VAX2: variants seen among roughly 807,000 people sequenced by gnomAD.
The protein encoded by VAX2 is ventral anterior homeobox 2.
A neutral mutation model predicts 12.5 loss-of-function variants in VAX2; 8 were observed. The ratio of observed to expected loss-of-function variants is 0.64; its 90% CI spans 0.37 to 1.15. The LOEUF is 1.15. VAX2 is among the 50% of genes most tolerant of loss of function. The pLI, the probability that VAX2 is intolerant of heterozygous loss-of-function variation, is 0.01. For missense variants in VAX2, 476 were observed against 412.9 expected (o/e 1.15, Z -1.32); for synonymous variants, 183 against 187.6 (o/e 0.98, Z 0.20).
chr2:70,922,090 G>A (rs543901734), intron 2 of VAX2, among the ~76,000 whole-genome samples: 4 of 152,262 alleles, frequency 2.6e-5, no homozygotes, highest in East Asian at 3.9e-4. Context: ...AATTAGTTCC[G>A]GAGCTGGGCT....
At chr2:70,922,258 G>A (rs545219513) in intron 2 of VAX2, among the ~76,000 whole-genome samples, 7 of 152,282 alleles carry the variant, frequency 4.6e-5, no homozygotes, top group Admixed American at 6.5e-5. Flanking sequence ...TGTAAACGAC[G>A]GCCAAAACAG....
At chr2:70,912,049 G>C (rs1553411298) in intron 1 of VAX2, among the ~76,000 whole-genome samples, 1 of 152,092 alleles carries the variant, frequency 6.6e-6, no homozygotes, top group Non-Finnish European at 1.5e-5. Context: ...TTGTTCAAAA[G>C]CTATGTCTCT....
intron 2 of VAX2, among the ~76,000 whole-genome samples, chr2:70,926,131 C>T (rs776874960): frequency 3.9e-5 from 6 of 152,066 alleles, no homozygotes; most frequent in African/African-American, 1.4e-4. Context: ...AACCCACTTA[C>T]AGGATTGGGC....
rs781890843 is a variant in VAX2 at position 70,932,876 on chromosome 2, T to C, written c.545T>C (p.Ile182Thr). The change falls in exon 3 of 3, where the codon ATT (isoleucine) becomes ACT (threonine). Residue 182 changes from isoleucine to threonine, a missense_variant. By Grantham distance (89) the Ile-to-Thr change is moderately conservative. Coordinates refer to ENST00000234392, the MANE Select transcript of VAX2 (RefSeq NM_012476.3). Reference sequence around the variant, plus strand: ...TCCGAGGCCTTTGCCACCTCCAACATTCTGCGGCTGCTGGAGCAGGGCCGG... The same window carrying C: ...TCCGAGGCCTTTGCCACCTCCAACACTCTGCGGCTGCTGGAGCAGGGCCGG... ...SASEAFATSN[I>T]LRLLEQGRLL... is the part of the protein sequence containing the mutation. 137 of 1,613,466 alleles carry C rather than the reference T, an allele frequency of 8.5e-5. 1 individual carries two copies. The Middle Eastern group carries it at 1.5e-3, about 17-fold the overall frequency.
intron 1 of VAX2, 39 bp downstream of exon 1, chr2:70,900,907 C>A: frequency 7.7e-7 from 1 of 1,302,434 alleles, no homozygotes; most frequent in Non-Finnish European, 9.8e-7. Context: ...ACTGGACCCT[C>A]ACCCTACCCA....
intron 2 of VAX2, among the ~76,000 whole-genome samples, chr2:70,930,594 A>G (rs3755339): frequency 0.75 from 114,826 of 152,106 alleles, 43,478 homozygotes; most frequent in East Asian, 0.87. Context: ...GAGGAGGGGA[A>G]GCACCAAGGC....
chr2:70,921,076 G>A (rs781846593), intron 1 of VAX2, 22 bp from the exon 2 acceptor site: 3 of 1,546,402 alleles, frequency 1.9e-6, no homozygotes, highest in Admixed American at 2.0e-5. Context: ...AACTAAGCTG[G>A]CTCCTTTCAT....
At chr2:70,929,968 GA>G (rs1193087030) in intron 2 of VAX2, among the ~76,000 whole-genome samples, 1 of 152,200 alleles carries the variant, frequency 6.6e-6, no homozygotes, top group African/African-American at 2.4e-5. Context: ...TATATCTGGT[GA>G]GTGAATGAAT....
intron 2 of VAX2, among the ~76,000 whole-genome samples, chr2:70,926,655 A>T (rs1679579569): frequency 6.6e-6 from 1 of 152,022 alleles, no homozygotes; most frequent in Admixed American, 6.6e-5. Flanking sequence ...AGACCCCACA[A>T]CCTATATATT....
intron 2 of VAX2, among the ~76,000 whole-genome samples, chr2:70,929,738 G>T (rs1455338141): frequency 4.6e-5 from 7 of 151,122 alleles, no homozygotes; most frequent in African/African-American, 1.5e-4. Context: ...CATTTTAATT[G>T]TATTTTTTAA....
intron 1 of VAX2, among the ~76,000 whole-genome samples, chr2:70,902,397 G>A (rs1678954637): frequency 6.6e-6 from 1 of 152,192 alleles, no homozygotes; most frequent in South Asian, 2.1e-4. Context: ...TTGGGCACCA[G>A]GGATTAAATC....
In VAX2 at chr2:70,900,672, G is replaced by T; in HGVS notation, c.51G>T (p.Glu17Asp). 7.8e-7 allele frequency: 1 copy of T among 1,289,504 alleles called. No homozygotes were observed. The highest frequency in any genetic ancestry group is 9.8e-7 in the Non-Finnish European group (1 of 1,017,902). 79.9% of individuals were successfully genotyped at this position (1,289,504 alleles called of 1,614,324 possible). Residue 17 changes from glutamate (E) to aspartate (D), a missense_variant, in exon 1 of 3, where the codon GAG becomes GAT. Transcript: ENST00000234392. ...ERDRGPARRA[E>D]SGGGGGRCGD... is the part of the protein sequence containing the mutation. ...ACCGGGGCCCCGCGCGCCGGGCGGA[G>T]TCTGGTGGCGGCGGTGGGCGCTGCG...
intron 1 of VAX2, among the ~76,000 whole-genome samples, chr2:70,909,373 A>AT (rs1281138949): frequency 7.9e-5 from 12 of 151,294 alleles, no homozygotes; most frequent in Non-Finnish European, 1.2e-4. Flanking sequence ...TTTATTTTTA[A>AT]TTTTTTTTAG....
At chr2:70,927,933 C>A (rs544237206) in intron 2 of VAX2, among the ~76,000 whole-genome samples, 102 of 152,286 alleles carry the variant, frequency 6.7e-4, no homozygotes, top group Non-Finnish European at 1.0e-3. Context: ...GTGCACTGGG[C>A]AGGTGAGGGG....
rs1679750279 is a variant in VAX2, at chr2:70,933,310, A to G, written c.*106A>G. On this transcript the variant is annotated 3_prime_UTR_variant, in exon 3 of 3. Transcript: ENST00000234392. Reference sequence around the variant, plus strand: ...CCCGGAGAGGAGGGGCTGCAGCCACACACTCTTCCCCACCTGCCCCCCAGC... The same window carrying G: ...CCCGGAGAGGAGGGGCTGCAGCCACGCACTCTTCCCCACCTGCCCCCCAGC... The G allele has an allele frequency of 1.0e-5, 12 of 1,148,960 alleles. No individual in the cohort carries two copies. Among genetic ancestry groups the G allele is most frequent in the Non-Finnish European group, 1.4e-5 (12 of 875,756 alleles). 71.2% of individuals were successfully genotyped at this position (1,148,960 alleles called of 1,614,324 possible). A position where few individuals can be genotyped will look rare whatever the true frequency, so the allele number is the denominator to read the frequency against.
rs555303050 is a variant in VAX2 at position 70,900,935 on chromosome 2, T to G, written c.247+67T>G. 1.2e-4 allele frequency: 147 copies of G among 1,262,764 alleles called. No individual in the cohort carries two copies. The African/African-American group carries it at 2.1e-3, about 18-fold the overall frequency. 78.2% of individuals were successfully genotyped at this position (1,262,764 alleles called of 1,614,324 possible). A position where few individuals can be genotyped will look rare whatever the true frequency, so the allele number is the denominator to read the frequency against. ...CCTACCCATACTGGGGCCCCCGACC[T>G]AGCTGCAGCTGACACCTCTCAATTC... On this transcript the variant is annotated intron_variant, in intron 1 of 2. Transcript: ENST00000234392.
chr2:70,930,544 A>T (rs1371143842), intron 2 of VAX2, among the ~76,000 whole-genome samples: 1 of 152,190 alleles, frequency 6.6e-6, no homozygotes, highest in Admixed American at 6.5e-5. Context: ...GGCTTCAAGG[A>T]GGCAGAGATC....
intron 2 of VAX2, among the ~76,000 whole-genome samples, chr2:70,930,605 C>T (rs1347958559): frequency 1.3e-5 from 2 of 152,188 alleles, no homozygotes; most frequent in Admixed American, 1.3e-4. Flanking sequence ...GCACCAAGGC[C>T]TCACTTTCTG....
intron 1 of VAX2, among the ~76,000 whole-genome samples, chr2:70,905,357 C>T (rs1464764085): frequency 6.6e-6 from 1 of 152,014 alleles, no homozygotes; most frequent in Non-Finnish European, 1.5e-5. Flanking sequence ...CTTGGAGTTG[C>T]TTTACGTTAT....
Sources: allele counts gnomAD v4.1 joint callset (sites outside exome capture counted in the v4.1 genomes callset), GRCh38; gene constraint gnomAD v4.1.1; transcripts MANE v1.5; gene names NCBI Gene and HGNC (gene_info 2026-07-23, HGNC 2026-07-21).